ARL6: variants seen among roughly 807,000 people sequenced by gnomAD.
ARL6 encodes the protein ADP-ribosylation factor-like protein 6.
Under a neutral mutation model 27.1 loss-of-function variants are expected in ARL6, and 18 were observed. That is an observed-to-expected ratio of 0.66 (90% CI 0.46 to 0.98). The LOEUF (loss-of-function observed/expected upper bound fraction) is 0.98, where lower values mean the gene tolerates loss of function less well. Among genes scored for constraint, ARL6 ranks in the 50% least tolerant of loss-of-function variants. ARL6 has a pLI of 0.00. For missense variants in ARL6, 187 were observed against 214.9 expected (o/e 0.87, Z 0.81); for synonymous variants, 65 against 72.3 (o/e 0.90, Z 0.51).
chr3:97,797,280 C>A (rs1435603798), intron 7 of ARL6, among the ~76,000 whole-genome samples: 1 of 151,938 alleles, frequency 6.6e-6, no homozygotes, highest in Non-Finnish European at 1.5e-5. Flanking sequence ...GGGAGTGGTG[C>A]AATTGAATTA....
At chr3:97,766,146 T>C (rs1325441148) in intron 1 of ARL6, 1 of 152,154 alleles carries the variant, frequency 6.6e-6, no homozygotes, top group Non-Finnish European at 1.5e-5. Flanking sequence ...TGCTTTATAG[T>C]AGATGCTTAA....
At chr3:97,778,212 T>G (rs1341120361) in intron 2 of ARL6, among the ~76,000 whole-genome samples, 6 of 151,934 alleles carry the variant, frequency 3.9e-5, no homozygotes, top group Non-Finnish European at 5.9e-5. Flanking sequence ...TGTTCTGAAA[T>G]GAAGGAAACC....
At position 97,780,810 on chromosome 3, in the gene ARL6, T is replaced by A. The variant is rs10935082; in HGVS notation, c.254+127T>A. The A allele has an allele frequency of 0.81, 594,159 of 736,052 alleles. 240,696 individuals are homozygous for A. The highest frequency in any genetic ancestry group is 0.87 in the East Asian group (32,997 of 37,842). 45.6% of individuals were successfully genotyped at this position (736,052 alleles called of 1,614,324 possible). Reference sequence around the variant, plus strand: ...TCATGTAATTTATGAACATTTCCTATTTTAAAAAATATGTAATGAGACTCA... The same window carrying A: ...TCATGTAATTTATGAACATTTCCTAATTTAAAAAATATGTAATGAGACTCA... On this transcript the variant is annotated intron_variant, in intron 4 of 7. Coordinates refer to ENST00000463745, the MANE Select transcript of ARL6 (RefSeq NM_001278293.3).
At chr3:97,787,870 G>A (rs1441768342) in intron 5 of ARL6, 120 bp from the exon 6 acceptor site, 22 of 963,552 alleles carry the variant, frequency 2.3e-5, no homozygotes, top group Middle Eastern at 5.2e-4. Flanking sequence ...AAATGTTTCT[G>A]TGTGTGTGAT....
In ARL6 at chr3:97,799,867, T is replaced by C. The variant is rs1206893283; in HGVS notation, c.*1818T>C. The C allele has an allele frequency of 6.6e-6, 1 of 152,100 alleles. No individual in the cohort carries two copies. Among genetic ancestry groups the C allele is most frequent in the African/African-American group, 2.4e-5 (1 of 41,448 alleles). The allele number at this position is 152,100 out of a possible 1,614,324, so 9.4% of individuals were successfully genotyped here. ...TAAGACAGATGATTCAAGAGTATGA[T>C]AGATATTAGAAATACAGATATATCT... On this transcript the variant is annotated 3_prime_UTR_variant, in exon 8 of 8. Coordinates refer to ENST00000463745, the MANE Select transcript of ARL6 (RefSeq NM_001278293.3).
At chr3:97,772,636 T>C (rs1311800468) in intron 2 of ARL6, among the ~76,000 whole-genome samples, 1 of 150,912 alleles carries the variant, frequency 6.6e-6, no homozygotes, top group African/African-American at 2.4e-5. Flanking sequence ...TTTTTTTTTT[T>C]TTGAGATGGA....
At chr3:97,765,278 A>G (rs1353290302) in intron 1 of ARL6, among the ~76,000 whole-genome samples, 1 of 151,762 alleles carries the variant, frequency 6.6e-6, no homozygotes, top group Non-Finnish European at 1.5e-5. Context: ...ATATCATAAA[A>G]AACTGAAAGC....
At chr3:97,781,109 T>G (rs1423726033) in intron 4 of ARL6, among the ~76,000 whole-genome samples, 1 of 152,168 alleles carries the variant, frequency 6.6e-6, no homozygotes, top group Non-Finnish European at 1.5e-5. Flanking sequence ...GCCTCCCTAG[T>G]GGAAGTGTGA....
rs1269801640 is a variant in ARL6, at chr3:97,785,037, C to G, written c.337C>G (p.Leu113Val). Reference protein sequence around the residue: ...VVAKEELDTLLNHPDIKHRRI... With the variant: ...VVAKEELDTLVNHPDIKHRRI... ...GGCCAAAGAAGAACTCGATACTCTT[C>G]TGAATCATCCAGGTATGTGTGTGTC... Residue 113 changes from leucine to valine, a missense_variant, in exon 5 of 8, where the codon CTG becomes GTG. By Grantham distance (32) the Leu-to-Val change is conservative. Transcript: ENST00000463745. 3 of 1,611,878 alleles carry G rather than the reference C, an allele frequency of 1.9e-6. No homozygotes were observed. In the East Asian group the frequency reaches 6.7e-5, roughly 36 times the overall value.
At chr3:97,792,034 G>T in intron 7 of ARL6, 1 of 547,722 alleles carries the variant, frequency 1.8e-6, no homozygotes, top group Non-Finnish European at 3.2e-6. Context: ...TACATAAAGT[G>T]TTTGAATCTT....
chr3:97,780,299 C>T (rs965278479), intron 3 of ARL6, 79 bp downstream of exon 3: 58 of 1,109,218 alleles, frequency 5.2e-5, no homozygotes, highest in South Asian at 3.2e-4. Flanking sequence ...TTCTTCCTAC[C>T]CTTAGATAAA....
intron 2 of ARL6, among the ~76,000 whole-genome samples, chr3:97,773,619 T>G (rs1053231316): frequency 1.6e-4 from 25 of 152,180 alleles, no homozygotes; most frequent in Admixed American, 3.9e-4. Context: ...TGCTATTACA[T>G]AAAGTCAACA....
Position 97,799,767 on chromosome 3 carries a change from A to C in ARL6, c.*1718A>C, listed in dbSNP as rs899630619. ...TATAGATCAGTAAACTGAGGCGTTAAAATGTTATGTAATTTGCCAAAGTTC... is the reference window on the plus strand; with the variant it reads ...TATAGATCAGTAAACTGAGGCGTTACAATGTTATGTAATTTGCCAAAGTTC... On this transcript the variant is annotated 3_prime_UTR_variant, in exon 8 of 8. Transcript: ENST00000463745. 3.3e-5 allele frequency: 5 copies of C among 152,172 alleles called. No individual in the cohort carries two copies. Among genetic ancestry groups the C allele is most frequent in the African/African-American group, 9.6e-5 (4 of 41,466 alleles). The allele number at this position is 152,172 out of a possible 1,614,324, so 9.4% of individuals were successfully genotyped here.
chr3:97,772,459 C>G (rs2036682197), intron 2 of ARL6, among the ~76,000 whole-genome samples: 1 of 151,692 alleles, frequency 6.6e-6, no homozygotes, highest in South Asian at 2.1e-4. Flanking sequence ...TTTCAAAAAG[C>G]CAACTTTTTG....
At chr3:97,787,874 G>A in intron 5 of ARL6, 116 bp from the exon 6 acceptor site, 1 of 988,772 alleles carries the variant, frequency 1.0e-6, no homozygotes, top group African/African-American at 1.6e-5. Context: ...GTTTCTGTGT[G>A]TGTGATATGA....
chr3:97,780,648 A>C lies in ARL6; in HGVS notation c.219A>C (p.Gln73His). Residue 73 changes from glutamine to histidine, a missense_variant, in exon 4 of 8, where the codon CAA (glutamine) becomes CAC (histidine). Transcript: ENST00000463745. ...LSFTVFDMSG[Q>H]GRYRNLWEHY... ...TTACAGTGTTTGACATGTCAGGTCA[A>C]GGAAGATACAGAAATCTCTGGGAAC... 1 of 1,613,396 alleles carries C rather than the reference A, an allele frequency of 6.2e-7. No individual in the cohort carries two copies. Among genetic ancestry groups the C allele is most frequent in the Non-Finnish European group, 8.5e-7 (1 of 1,179,500 alleles).
intron 2 of ARL6, among the ~76,000 whole-genome samples, chr3:97,777,501 A>G (rs1403697678): frequency 2.0e-5 from 3 of 152,200 alleles, no homozygotes; most frequent in Non-Finnish European, 2.9e-5. Context: ...AATAGTGTTT[A>G]TTGTATTTAT....
chr3:97,770,005 G>A (rs1242481097), intron 2 of ARL6, among the ~76,000 whole-genome samples: 1 of 152,026 alleles, frequency 6.6e-6, no homozygotes, highest in Non-Finnish European at 1.5e-5. Context: ...GGGAGTGCAG[G>A]TATCTCTTTG....
chr3:97,781,538 G>T (rs564420554), intron 4 of ARL6, among the ~76,000 whole-genome samples: 6 of 152,060 alleles, frequency 3.9e-5, no homozygotes, highest in African/African-American at 1.4e-4. Context: ...GGAAGAATTT[G>T]CATATGTTAT....
Sources: allele counts gnomAD v4.1 joint callset (sites outside exome capture counted in the v4.1 genomes callset), GRCh38; gene constraint gnomAD v4.1.1; transcripts MANE v1.5; gene names NCBI Gene and HGNC (gene_info 2026-07-23, HGNC 2026-07-21).